Variants in ESRRG observed in about 807,000 individuals in gnomAD.
The protein encoded by ESRRG is estrogen-related receptor gamma.
A neutral mutation model predicts 44.0 loss-of-function variants in ESRRG; 13 were observed. The observed-to-expected ratio is 0.30, with a 90% CI of 0.19 to 0.47. ESRRG has a LOEUF of 0.47. Among genes scored for constraint, ESRRG ranks in the 20% least tolerant of loss-of-function variants. The pLI, the probability that ESRRG is intolerant of heterozygous loss-of-function variation, is 1.00. For missense variants in ESRRG, 395 were observed against 580.6 expected (o/e 0.68, Z 3.29); for synonymous variants, 215 against 214.6 (o/e 1.00, Z -0.02).
chr1:216,704,156 A>G (rs1433813422), intron 1 of ESRRG, among the ~76,000 whole-genome samples: 1 of 152,144 alleles, frequency 6.6e-6, no homozygotes, highest in African/African-American at 2.4e-5. Flanking sequence ...AAAAAAGCAG[A>G]TCTTTTAAAT....
chr1:216,589,699 T>C (rs889878525), intron 3 of ESRRG, among the ~76,000 whole-genome samples: 7 of 148,892 alleles, frequency 4.7e-5, no homozygotes, highest in Non-Finnish European at 8.9e-5. Context: ...AGGTCAGGAG[T>C]TCAAGAACAG....
chr1:216,603,555 T>TA (rs2059521034), intron 3 of ESRRG, among the ~76,000 whole-genome samples: 1 of 152,086 alleles, frequency 6.6e-6, no homozygotes, highest in Admixed American at 6.5e-5. Context: ...AAGCAAAAGA[T>TA]AAAAAACCAA....
At chr1:216,584,073 G>A (rs1441006387) in intron 3 of ESRRG, among the ~76,000 whole-genome samples, 6 of 152,064 alleles carry the variant, frequency 3.9e-5, no homozygotes, top group Non-Finnish European at 5.9e-5. Flanking sequence ...GTTAATATAT[G>A]CTTTGACATG....
intron 5 of ESRRG, among the ~76,000 whole-genome samples, chr1:216,530,051 G>T (rs924736386): frequency 2.8e-5 from 4 of 142,368 alleles, no homozygotes; most frequent in African/African-American, 8.1e-5. Context: ...GGCAAATGTT[G>T]CAGTGAGCTA....
At chr1:217,066,659 G>C (rs756329973) in intron 1 of ESRRG, among the ~76,000 whole-genome samples, 2 of 152,150 alleles carry the variant, frequency 1.3e-5, no homozygotes, top group African/African-American at 2.4e-5. Flanking sequence ...GGGCTTCTCG[G>C]CCTAGGCACT....
chr1:217,093,731 G>A (rs1009879847), upstream of ESRRG, among the ~76,000 whole-genome samples: 6 of 151,536 alleles, frequency 4.0e-5, no homozygotes, highest in South Asian at 4.2e-4. Flanking sequence ...TACAGTAAGC[G>A]GTGATCGCAC....
At chr1:216,856,808 G>A (rs1420039801) in intron 2 of ESRRG, among the ~76,000 whole-genome samples, 1 of 152,142 alleles carries the variant, frequency 6.6e-6, no homozygotes, top group African/African-American at 2.4e-5. Flanking sequence ...AGTCTCTTAA[G>A]ACCCAGTTAA....
chr1:217,013,143 C>T (rs903992349), intron 1 of ESRRG, among the ~76,000 whole-genome samples: 6 of 152,182 alleles, frequency 3.9e-5, no homozygotes, highest in Non-Finnish European at 8.8e-5. Flanking sequence ...AGGCTCTATC[C>T]CCAAACGGGA....
intron 2 of ESRRG, among the ~76,000 whole-genome samples, chr1:216,739,214 G>A (rs892979167): frequency 1.1e-4 from 16 of 149,724 alleles, no homozygotes; most frequent in African/African-American, 3.7e-4. Flanking sequence ...AAATAATCCC[G>A]ACACTGAGAG....
chr1:216,920,854 T>C (rs2061751200), intron 2 of ESRRG, among the ~76,000 whole-genome samples: 1 of 152,194 alleles, frequency 6.6e-6, no homozygotes, highest in Non-Finnish European at 1.5e-5. Flanking sequence ...ATTCGCTACA[T>C]ATGTTTAACG....
At chr1:216,538,426 T>G in intron 5 of ESRRG, among the ~76,000 whole-genome samples, 1 of 151,908 alleles carries the variant, frequency 6.6e-6, no homozygotes, top group East Asian at 1.9e-4. Flanking sequence ...CCCCTAGAGC[T>G]CTTCCTGGCA....
At chr1:217,067,287 C>T (rs2089883131) in intron 1 of ESRRG, among the ~76,000 whole-genome samples, 1 of 152,048 alleles carries the variant, frequency 6.6e-6, no homozygotes, top group Non-Finnish European at 1.5e-5. Flanking sequence ...TGAAACTTTC[C>T]TAAAATTAAA....
intron 1 of ESRRG, among the ~76,000 whole-genome samples, chr1:216,691,816 T>C (rs754547887): frequency 1.9e-4 from 29 of 152,162 alleles, no homozygotes; most frequent in Non-Finnish European, 3.2e-4. Context: ...TCATGCATCA[T>C]GTAACAACAC....
chr1:216,543,267 C>A (rs986986286), intron 5 of ESRRG, among the ~76,000 whole-genome samples: 3 of 151,934 alleles, frequency 2.0e-5, no homozygotes, highest in Non-Finnish European at 4.4e-5. Flanking sequence ...TCCAAACCTG[C>A]CTTCAAGATT....
rs548453197 is a variant in ESRRG at position 216,933,729 on chromosome 1, A to G, written c.-14+5853T>C. On this transcript the variant is annotated intron_variant, in intron 2 of 7. Transcript: ENST00000359162. ...ATTCAATTTTTAAGAAAATTAAATT[A>G]TAACTGGATCACAAAATTCCTAGAA... Among the ~76,000 whole-genome samples, 16 of 152,358 alleles carry G rather than the reference A, an allele frequency of 1.1e-4. No homozygotes were observed. In the South Asian group the frequency reaches 2.9e-3, roughly 28 times the overall value.
chr1:216,546,707 G>T (rs1188419129), intron 5 of ESRRG, among the ~76,000 whole-genome samples: 1 of 151,798 alleles, frequency 6.6e-6, no homozygotes, highest in African/African-American at 2.4e-5. Flanking sequence ...CAGGTTGAAA[G>T]TTAAAAAGGA....
At chr1:216,993,130 T>C (rs887687421) in intron 1 of ESRRG, among the ~76,000 whole-genome samples, 1 of 152,214 alleles carries the variant, frequency 6.6e-6, no homozygotes, top group Non-Finnish European at 1.5e-5. Context: ...CAACAAGTAG[T>C]TGATGAATGA....
chr1:216,932,997 C>A (rs1053496043), intron 2 of ESRRG, among the ~76,000 whole-genome samples: 5 of 152,018 alleles, frequency 3.3e-5, no homozygotes, highest in African/African-American at 1.2e-4. Flanking sequence ...TAAAACATTT[C>A]CTGCTTTCAA....
intron 3 of ESRRG, among the ~76,000 whole-genome samples, chr1:216,568,979 G>A (rs1186170941): frequency 1.3e-5 from 2 of 151,744 alleles, no homozygotes; most frequent in Non-Finnish European, 2.9e-5. Flanking sequence ...GCTTGAACCC[G>A]GGAGGCGGAG....
Sources: allele counts gnomAD v4.1 joint callset (sites outside exome capture counted in the v4.1 genomes callset), GRCh38; gene constraint gnomAD v4.1.1; transcripts MANE v1.5; gene names NCBI Gene and HGNC (gene_info 2026-07-23, HGNC 2026-07-21).